ERBB4: variants seen among roughly 807,000 people sequenced by gnomAD.
ERBB4 encodes the protein receptor tyrosine-protein kinase erbB-4.
Under a neutral mutation model 158.0 loss-of-function variants are expected in ERBB4, and 42 were observed. The ratio of observed to expected loss-of-function variants is 0.27; its 90% CI spans 0.21 to 0.34. ERBB4 has a LOEUF of 0.34. ERBB4 is among the 10% of genes least tolerant of loss of function. The probability of loss-of-function intolerance (pLI) is 1.00; values close to 1 mark genes in which losing one functional copy is unlikely to be tolerated. For synonymous variants in ERBB4, 583 were observed against 558.7 expected (o/e 1.04, Z -0.61); for missense variants, 1,333 against 1,624.1 (o/e 0.82, Z 3.08).
At chr2:212,257,068 C>T (rs1469166874) in intron 1 of ERBB4, among the ~76,000 whole-genome samples, 1 of 152,052 alleles carries the variant, frequency 6.6e-6, no homozygotes, top group East Asian at 1.9e-4. Context: ...CTCCTCCACC[C>T]AGCAGTCCCC....
intron 1 of ERBB4, among the ~76,000 whole-genome samples, chr2:212,359,272 A>T (rs1222370925): frequency 6.6e-6 from 1 of 151,616 alleles, no homozygotes; most frequent in Non-Finnish European, 1.5e-5. Context: ...ACTTGTATAT[A>T]TATACATATA....
At chr2:211,526,846 GA>G (rs2066362044) in intron 20 of ERBB4, among the ~76,000 whole-genome samples, 1 of 151,928 alleles carries the variant, frequency 6.6e-6, no homozygotes, top group South Asian at 2.1e-4. Flanking sequence ...TAATCAAGCA[GA>G]AAAAAGAATT....
intron 1 of ERBB4, among the ~76,000 whole-genome samples, chr2:212,151,837 T>C (rs1332748596): frequency 6.6e-6 from 1 of 152,092 alleles, no homozygotes; most frequent in Non-Finnish European, 1.5e-5. Context: ...TGCAGTGAGC[T>C]GAGATTGCAC....
chr2:211,941,715 A>ATTT, intron 3 of ERBB4, among the ~76,000 whole-genome samples: 1 of 65,178 alleles, frequency 1.5e-5, no homozygotes, highest in African/African-American at 7.5e-5. Context: ...AATTTGGAAC[A>ATTT]CTTTTTTTTT....
intron 20 of ERBB4, among the ~76,000 whole-genome samples, chr2:211,508,708 T>C (rs34478465): frequency 0.37 from 55,674 of 151,824 alleles, 10,470 homozygotes; most frequent in African/African-American, 0.44. Context: ...GTCACATGCA[T>C]ACATATGTGT....
At chr2:211,698,850 G>A (rs1167979602) in intron 12 of ERBB4, among the ~76,000 whole-genome samples, 3 of 152,056 alleles carry the variant, frequency 2.0e-5, no homozygotes, top group Non-Finnish European at 4.4e-5. Flanking sequence ...ACCTAACACT[G>A]TAATTTGGTT....
At chr2:212,186,954 T>G (rs1299311767) in intron 1 of ERBB4, among the ~76,000 whole-genome samples, 3 of 152,126 alleles carry the variant, frequency 2.0e-5, no homozygotes, top group Non-Finnish European at 4.4e-5. Flanking sequence ...ATTTGCCTAC[T>G]TTTTGAAGTA....
intron 2 of ERBB4, among the ~76,000 whole-genome samples, chr2:212,079,806 G>T (rs1439599519): frequency 1.3e-5 from 2 of 151,984 alleles, no homozygotes; most frequent in Non-Finnish European, 1.5e-5. Flanking sequence ...ATGGTGTTCA[G>T]ATTTCCTGTT....
chr2:212,124,493 T>C, intron 2 of ERBB4: 1 of 478,178 alleles, frequency 2.1e-6, no homozygotes, highest in South Asian at 2.2e-5. Context: ...CTAGATGTCA[T>C]GTACTACATG....
chr2:211,666,420 G>A (rs1171541302), intron 14 of ERBB4, among the ~76,000 whole-genome samples: 2 of 151,948 alleles, frequency 1.3e-5, no homozygotes, highest in East Asian at 3.9e-4. Flanking sequence ...TCTAATATGT[G>A]GAATGTTAAT....
intron 3 of ERBB4, among the ~76,000 whole-genome samples, chr2:211,852,361 A>G (rs2077739887): frequency 6.6e-6 from 1 of 151,976 alleles, no homozygotes. Context: ...CGGCACTGAC[A>G]CTGGCCTTAA....
intron 1 of ERBB4, among the ~76,000 whole-genome samples, chr2:212,229,433 A>G (rs577849603): frequency 6.6e-6 from 1 of 152,340 alleles, no homozygotes; most frequent in African/African-American, 2.4e-5. Flanking sequence ...TGCATAGTTA[A>G]TGCCATAGCC....
intron 20 of ERBB4, among the ~76,000 whole-genome samples, chr2:211,488,283 C>A (rs892261258): frequency 6.6e-6 from 1 of 152,070 alleles, no homozygotes; most frequent in African/African-American, 2.4e-5. Flanking sequence ...GTTCCCCAGC[C>A]TTCAAGCTGT....
intron 25 of ERBB4, among the ~76,000 whole-genome samples, chr2:211,391,752 TG>T (rs1301706936): frequency 6.6e-6 from 1 of 152,236 alleles, no homozygotes; most frequent in Non-Finnish European, 1.5e-5. Context: ...TTGTCTCATA[TG>T]CACAGTATTT....
chr2:211,895,259 C>A (rs979473343), intron 3 of ERBB4, among the ~76,000 whole-genome samples: 16 of 152,042 alleles, frequency 1.1e-4, no homozygotes, highest in Non-Finnish European at 2.9e-5. Flanking sequence ...GTCCCCTTAT[C>A]TTTTTTGTTG....
intron 1 of ERBB4, among the ~76,000 whole-genome samples, chr2:212,510,205 G>GTATATA (rs10556403): frequency 0.028 from 3,649 of 130,342 alleles, 96 homozygotes; most frequent in African/African-American, 0.055. Flanking sequence ...TAACCACACA[G>GTATATA]TATATATATA....
At chr2:211,895,771 T>G (rs942222560) in intron 3 of ERBB4, among the ~76,000 whole-genome samples, 2 of 152,198 alleles carry the variant, frequency 1.3e-5, no homozygotes. Context: ...CCTTCAATTG[T>G]CCCTGAAATC....
intron 2 of ERBB4, among the ~76,000 whole-genome samples, chr2:212,016,705 A>T (rs1055299022): frequency 6.6e-6 from 1 of 152,118 alleles, no homozygotes; most frequent in Non-Finnish European, 1.5e-5. Flanking sequence ...TTCAGTTAAT[A>T]AGCTTTTTAC....
chr2:212,411,537 G>A (rs576105661), intron 1 of ERBB4, among the ~76,000 whole-genome samples: 7 of 152,202 alleles, frequency 4.6e-5, no homozygotes, highest in South Asian at 2.1e-4. Context: ...TAGAATATGC[G>A]TCTACCTCTT....
Sources: gnomAD v4.1 joint callset for allele counts (sites outside exome capture counted in the v4.1 genomes callset) on GRCh38, gnomAD v4.1.1 for gene constraint, MANE v1.5 for transcripts, NCBI Gene and HGNC (gene_info 2026-07-23, HGNC 2026-07-21) for gene names.